The following EPM2A variants were observed in gnomAD, a reference collection of about 807,000 sequenced individuals.
EPM2A encodes the protein EPM2A glucan phosphatase, laforin, also known as laforin.
Under a neutral mutation model 26.5 loss-of-function variants are expected in EPM2A, and 21 were observed. The observed-to-expected ratio is 0.79, with a 90% CI of 0.56 to 1.14. The LOEUF (loss-of-function observed/expected upper bound fraction) is 1.14, where lower values mean the gene tolerates loss of function less well. Ranked by LOEUF, EPM2A falls within the 50% of genes most tolerant of loss-of-function variation. The probability of loss-of-function intolerance (pLI) is 0.00; values close to 1 mark genes in which losing one functional copy is unlikely to be tolerated. For synonymous variants in EPM2A, 217 were observed against 177.6 expected, an observed-to-expected ratio of 1.22 and a Z score of -1.76; for missense variants, 458 against 440.8, an observed-to-expected ratio of 1.04 and a Z score of -0.35.
Position 145,385,095 on chromosome 6 carries a change from C to T in EPM2A, c.556-998G>A, listed in dbSNP as rs915751650. Among the ~76,000 whole-genome samples, 3 of 147,822 alleles carry T rather than the reference C, an allele frequency of 2.0e-5. 1 individual carries two copies. The highest frequency in any genetic ancestry group is 5.0e-5 in the African/African-American group (2 of 39,970). On this transcript the variant is annotated intron_variant, in intron 4 of 4. Coordinates refer to the EPM2A transcript ENST00000638717. Reference sequence around the variant, plus strand: ...AAATAAAAGTACATTCAGAATTATACAAAATGATAAGAATTTTTCTCTTAA... The same window carrying T: ...AAATAAAAGTACATTCAGAATTATATAAAATGATAAGAATTTTTCTCTTAA...
intron 2 of EPM2A, among the ~76,000 whole-genome samples, chr6:145,617,188 G>A (rs527972015): frequency 6.6e-6 from 1 of 152,304 alleles, no homozygotes; most frequent in Non-Finnish European, 1.5e-5. Context: ...TCATGATAGT[G>A]AATAAGTCTC....
At chr6:145,669,675 G>A (rs1779505529) in intron 2 of EPM2A, among the ~76,000 whole-genome samples, 1 of 152,108 alleles carries the variant, frequency 6.6e-6, no homozygotes, top group Non-Finnish European at 1.5e-5. Flanking sequence ...TTTCTGATCT[G>A]GCTAGCGTCA....
At chr6:145,540,981 G>A (rs1176907695) in intron 2 of EPM2A, among the ~76,000 whole-genome samples, 2 of 151,996 alleles carry the variant, frequency 1.3e-5, no homozygotes, top group Non-Finnish European at 2.9e-5. Flanking sequence ...GGCAGAACTG[G>A]CAGCCTTTTC....
intron 1 of EPM2A, among the ~76,000 whole-genome samples, chr6:145,708,290 G>T (rs139602120): frequency 2.6e-5 from 4 of 152,202 alleles, no homozygotes; most frequent in Non-Finnish European, 5.9e-5. Context: ...AAGTAATGAT[G>T]AGCCAAAGGT....
intron 2 of EPM2A, among the ~76,000 whole-genome samples, chr6:145,645,563 G>A (rs1414866596): frequency 1.3e-5 from 2 of 151,806 alleles, no homozygotes. Context: ...CTTCAGCCTC[G>A]AAGGTCACTG....
At chr6:145,437,877 T>C (rs1779009344) in intron 4 of EPM2A, among the ~76,000 whole-genome samples, 1 of 152,238 alleles carries the variant, frequency 6.6e-6, no homozygotes, top group South Asian at 2.1e-4. Context: ...TTTAGGTTAC[T>C]TAATGGAATT....
chr6:145,686,179 T>C lies in EPM2A; in HGVS notation c.419A>G (p.Lys140Arg). 6.2e-7 allele frequency: 1 copy of C among 1,614,026 alleles called. No homozygotes were observed. The highest frequency in any genetic ancestry group is 8.5e-7 in the Non-Finnish European group (1 of 1,179,912). The change falls in exon 2 of 4, where the codon AAG (lysine) becomes AGG (arginine). Residue 140 changes from lysine to arginine, a missense_variant. Lys to Arg is a conservative substitution (Grantham distance 26, BLOSUM62 2). Coordinates refer to ENST00000367519, the MANE Select transcript of EPM2A (RefSeq NM_005670.4). ...IEATGHTNEMKHTTDFYFNIA... is the reference protein window; with the variant it reads ...IEATGHTNEMRHTTDFYFNIA... ...ATTAAAATAGAAGTCTGTTGTGTGC[T>C]TCATTTCATTGGTGTGCCCAGTGGC... is the stretch of plus-strand genomic sequence containing the variant.
At chr6:145,637,767 TC>T (rs1034822352) in intron 2 of EPM2A, 2 of 152,196 alleles carry the variant, frequency 1.3e-5, no homozygotes, top group African/African-American at 4.8e-5. Flanking sequence ...AGCTGAGTAT[TC>T]GGGGGAAATG....
intron 4 of EPM2A, among the ~76,000 whole-genome samples, chr6:145,446,089 C>T (rs980842998): frequency 9.2e-5 from 14 of 152,178 alleles, no homozygotes; most frequent in South Asian, 2.1e-4. Flanking sequence ...CAGTCAGCAT[C>T]GGTTACCCAG....
At chr6:145,420,890 C>T (rs1039646805) in intron 4 of EPM2A, among the ~76,000 whole-genome samples, 13 of 151,966 alleles carry the variant, frequency 8.6e-5, no homozygotes, top group South Asian at 2.1e-4. Flanking sequence ...TTATTAGAAA[C>T]GCACTCCCAA....
At chr6:145,480,320 G>A (rs1245915268) in intron 4 of EPM2A, among the ~76,000 whole-genome samples, 1 of 151,960 alleles carries the variant, frequency 6.6e-6, no homozygotes, top group Non-Finnish European at 1.5e-5. Context: ...AGAGAGGGAA[G>A]GGGGAAGTGC....
chr6:145,509,666 A>G (rs1278845775), intron 2 of EPM2A, among the ~76,000 whole-genome samples: 1 of 152,218 alleles, frequency 6.6e-6, no homozygotes, highest in Non-Finnish European at 1.5e-5. Flanking sequence ...CCATAAAGCA[A>G]CTACATAATC....
chr6:145,517,981 C>A (rs1231053999), intron 2 of EPM2A, among the ~76,000 whole-genome samples: 4 of 152,180 alleles, frequency 2.6e-5, no homozygotes, highest in African/African-American at 9.7e-5. Context: ...ATTCCTAAGG[C>A]CACGCCAATT....
chr6:145,694,947 C>A (rs1190400707), intron 1 of EPM2A, among the ~76,000 whole-genome samples: 1 of 151,816 alleles, frequency 6.6e-6, no homozygotes, highest in African/African-American at 2.4e-5. Flanking sequence ...GAAAACATAC[C>A]ACTAATTAAT....
intron 1 of EPM2A, chr6:145,720,942 C>T (rs1192622012): frequency 6.6e-6 from 1 of 152,180 alleles, no homozygotes. Context: ...AGGTGGATCA[C>T]TTGTGCTTCA....
chr6:145,518,519 T>A (rs928195526), intron 2 of EPM2A, among the ~76,000 whole-genome samples: 8 of 150,170 alleles, frequency 5.3e-5, no homozygotes, highest in African/African-American at 1.7e-4. Flanking sequence ...CCCTTTCCTG[T>A]CTCTTTGAAA....
At chr6:145,596,761 G>C (rs919889772) in intron 2 of EPM2A, among the ~76,000 whole-genome samples, 4 of 151,526 alleles carry the variant, frequency 2.6e-5, no homozygotes, top group African/African-American at 9.7e-5. Flanking sequence ...CCCTTCGTGG[G>C]ACTCTCTCAC....
intron 2 of EPM2A, among the ~76,000 whole-genome samples, chr6:145,580,919 T>C (rs879437650): frequency 3.3e-5 from 5 of 152,228 alleles, no homozygotes; most frequent in African/African-American, 7.2e-5. Context: ...CAGACTACCA[T>C]TGATGGTACT....
intron 1 of EPM2A, among the ~76,000 whole-genome samples, chr6:145,722,437 A>G (rs1165004707): frequency 6.6e-6 from 1 of 152,180 alleles, no homozygotes; most frequent in Non-Finnish European, 1.5e-5. Flanking sequence ...AAGATACCGC[A>G]CAGCCAACAC....
Sources: gnomAD v4.1 joint callset for allele counts (sites outside exome capture counted in the v4.1 genomes callset) on GRCh38, gnomAD v4.1.1 for gene constraint, MANE v1.5 for transcripts, NCBI Gene and HGNC (gene_info 2026-07-23, HGNC 2026-07-21) for gene names.